Variants in BRAP observed in about 807,000 individuals in gnomAD.
BRAP encodes the protein BRCA1 associated protein, also known as BRCA1-associated protein.
BRAP carries 42 observed loss-of-function variants against 73.4 expected under a neutral mutation model. The observed-to-expected ratio is 0.57, with a 90% CI of 0.45 to 0.74. The LOEUF (loss-of-function observed/expected upper bound fraction) is 0.74. Among genes scored for constraint, BRAP ranks in the 30% least tolerant of loss-of-function variants. The pLI, the probability that BRAP is intolerant of heterozygous loss-of-function variation, is 0.00. For synonymous variants in BRAP, 255 were observed against 267.4 expected (o/e 0.95, Z 0.45); for missense variants, 593 against 751.4 (o/e 0.79, Z 2.46).
chr12:111,654,347 G>T (rs575662849), intron 10 of BRAP, among the ~76,000 whole-genome samples: 7 of 149,246 alleles, frequency 4.7e-5, no homozygotes, highest in Non-Finnish European at 8.9e-5. Flanking sequence ...ACAGAGTCTC[G>T]GTCTGTTGCT....
chr12:111,676,055 T>A (rs941645388), intron 4 of BRAP, among the ~76,000 whole-genome samples: 9 of 151,964 alleles, frequency 5.9e-5, no homozygotes, highest in African/African-American at 9.6e-5. Flanking sequence ...TTAAAAAAAA[T>A]TTTTAAGAAA....
intron 3 of BRAP, among the ~76,000 whole-genome samples, chr12:111,679,556 TA>T (rs1887519969): frequency 6.6e-6 from 1 of 152,176 alleles, no homozygotes; most frequent in Non-Finnish European, 1.5e-5. Flanking sequence ...TGCAGTGTTT[TA>T]CTCTCATCAA....
chr12:111,668,592 T>A (rs1184320368), intron 5 of BRAP, among the ~76,000 whole-genome samples: 1 of 152,096 alleles, frequency 6.6e-6, no homozygotes, highest in Non-Finnish European at 1.5e-5. Flanking sequence ...ACAAGACCCA[T>A]TAAGGTGAAG....
chr12:111,652,830 CTCCTAAGT>C (rs1393898785), intron 10 of BRAP, among the ~76,000 whole-genome samples: 3 of 152,148 alleles, frequency 2.0e-5, no homozygotes, highest in Non-Finnish European at 4.4e-5. Context: ...TTGCCTCAGC[CTCCTAAGT>C]AGCTGGGACT....
intron 4 of BRAP, among the ~76,000 whole-genome samples, chr12:111,678,686 ATTTTTT>A (rs748418829): frequency 1.6e-5 from 2 of 125,966 alleles, no homozygotes; most frequent in Admixed American, 1.7e-4. Context: ...AACACACTAG[ATTTTTT>A]TTTTTTTTTT....
chr12:111,653,700 G>A (rs374511669), intron 10 of BRAP, among the ~76,000 whole-genome samples: 8 of 152,260 alleles, frequency 5.3e-5, no homozygotes, highest in African/African-American at 1.9e-4. Context: ...GTGAAACCCA[G>A]GGTCCGGGTT....
intron 1 of BRAP, 45 bp downstream of exon 1, chr12:111,685,666 G>C (rs1239182249): frequency 6.4e-7 from 1 of 1,574,020 alleles, no homozygotes; most frequent in Non-Finnish European, 8.6e-7. Context: ...AGCCCTCCGG[G>C]CCCAGACCCG....
Position 111,685,879 on chromosome 12 carries a change from G to A in BRAP, c.-87C>T. 1.1e-6 allele frequency: 1 copy of A among 914,008 alleles called. No individual in the cohort carries two copies. Among genetic ancestry groups the A allele is most frequent in the Non-Finnish European group, 1.5e-6 (1 of 673,738 alleles). 56.6% of individuals were successfully genotyped at this position (914,008 alleles called of 1,614,324 possible). A position where few individuals can be genotyped will look rare whatever the true frequency, so the allele number is the denominator to read the frequency against. Reference sequence around the variant, plus strand: ...GAGGCCGAGCGGCCCGGGGCCGGCAGCGCCGCCACCACCTCAATGCAGTTG... The same window carrying A: ...GAGGCCGAGCGGCCCGGGGCCGGCAACGCCGCCACCACCTCAATGCAGTTG... On this transcript the variant is annotated 5_prime_UTR_variant, in exon 1 of 12. Transcript: ENST00000419234.
In BRAP at chr12:111,683,238, T is replaced by G. The variant is rs771946763; in HGVS notation, c.152A>C (p.Lys51Thr). The G allele has an allele frequency of 3.4e-5, 55 of 1,614,092 alleles. No homozygotes were observed. Among genetic ancestry groups the G allele is most frequent in the Non-Finnish European group, 4.3e-5 (51 of 1,180,040 alleles). Residue 51 changes from lysine (K) to threonine (T), a missense_variant, in exon 2 of 12, where the codon AAG becomes ACG. Coordinates refer to ENST00000419234, the MANE Select transcript of BRAP (RefSeq NM_006768.5). ...AATCGCTACTTTCTCTCCTGGTGAC[T>G]TGCCTTCTAAACAGGCTACAGCTGA... ...LASAVACLEG[K>T]SPGEKVAIIH...
At chr12:111,664,327 G>A (rs1886857144) in intron 6 of BRAP, among the ~76,000 whole-genome samples, 1 of 151,966 alleles carries the variant, frequency 6.6e-6, no homozygotes, top group South Asian at 2.1e-4. Context: ...GCAAGACCCT[G>A]TCTCAAAAAA....
chr12:111,649,723 G>A (rs1774038132), intron 11 of BRAP, among the ~76,000 whole-genome samples: 1 of 152,260 alleles, frequency 6.6e-6, no homozygotes, highest in African/African-American at 2.4e-5. Context: ...CACACTGCAA[G>A]TGCACAGACA....
chr12:111,656,695 C>CT (rs1396163707), intron 9 of BRAP, among the ~76,000 whole-genome samples: 1 of 151,932 alleles, frequency 6.6e-6, no homozygotes, highest in Non-Finnish European at 1.5e-5. Flanking sequence ...GTTTGCAGCA[C>CT]TAGCACCAGT....
At chr12:111,648,743 G>A (rs1027493245) in intron 11 of BRAP, among the ~76,000 whole-genome samples, 24 of 151,862 alleles carry the variant, frequency 1.6e-4, no homozygotes, top group African/African-American at 4.8e-4. Flanking sequence ...TGGCTAACAC[G>A]GTGAAACCCC....
At position 111,681,829 on chromosome 12, in the gene BRAP, A is replaced by G. The variant is rs748224635; in HGVS notation, c.251T>C (p.Leu84Pro). 4 of 1,608,874 alleles carry G rather than the reference A, an allele frequency of 2.5e-6. No individual in the cohort carries two copies. The South Asian group carries it at 4.4e-5, about 18-fold the overall frequency. Residue 84 changes from leucine to proline, a missense_variant, in exon 3 of 12, where the codon CTA becomes CCA. Leu to Pro is a moderately conservative substitution (Grantham distance 98). Transcript: ENST00000419234. ...CTTCCTTTCTTCCACTGTAGTTTTT[A>G]GTTCATCTTTCACCAGTTAAAAAAT... is the stretch of plus-strand genomic sequence containing the variant. ...IETMKSNPDELKTTVEERKSS... is the reference protein window; with the variant it reads ...IETMKSNPDEPKTTVEERKSS...
chr12:111,660,477 T>G (rs923129840), intron 7 of BRAP, 123 bp downstream of exon 7: 1 of 819,346 alleles, frequency 1.2e-6, no homozygotes, highest in African/African-American at 1.8e-5. Context: ...CAGTAAGCCC[T>G]GTCTCTTAAA....
chr12:111,653,250 GAC>G (rs749030510), intron 10 of BRAP, among the ~76,000 whole-genome samples: 4 of 152,106 alleles, frequency 2.6e-5, no homozygotes, highest in Non-Finnish European at 5.9e-5. Flanking sequence ...AAACACCCAT[GAC>G]ACACACAAAA....
chr12:111,642,661 T>C lies in BRAP; in HGVS notation c.*1538A>G, dbSNP rs961041700. On this transcript the variant is annotated 3_prime_UTR_variant, in exon 12 of 12. Transcript: ENST00000419234. ...GATTTTAAATAAAATAGAATCTCTA[T>C]AGGAAAGAGAATTAGGTTATGCTTT... 1.3e-5 allele frequency: 2 copies of C among 152,206 alleles called. No individual in the cohort carries two copies. The highest frequency in any genetic ancestry group is 2.4e-5 in the African/African-American group (1 of 41,462). The allele number at this position is 152,206 out of a possible 1,614,324, so 9.4% of individuals were successfully genotyped here.
At chr12:111,652,722 T>A (rs1244920690) in intron 10 of BRAP, among the ~76,000 whole-genome samples, 1 of 150,326 alleles carries the variant, frequency 6.7e-6, no homozygotes, top group Non-Finnish European at 1.5e-5. Context: ...TCTCTCTCTT[T>A]TTTTTTGAGA....
At chr12:111,677,387 T>C (rs1887422729) in intron 4 of BRAP, among the ~76,000 whole-genome samples, 1 of 152,136 alleles carries the variant, frequency 6.6e-6, no homozygotes, top group Non-Finnish European at 1.5e-5. Flanking sequence ...TTCATCCCAC[T>C]CCTACTAGAA....
Sources: allele counts gnomAD v4.1 joint callset (sites outside exome capture counted in the v4.1 genomes callset), GRCh38; gene constraint gnomAD v4.1.1; transcripts MANE v1.5; gene names NCBI Gene and HGNC (gene_info 2026-07-23, HGNC 2026-07-21).